The following MECOM variants were observed in gnomAD, a reference collection of about 807,000 sequenced individuals.
The protein encoded by MECOM is MDS1 and EVI1 complex locus.
Under a neutral mutation model 116.3 loss-of-function variants are expected in MECOM, and 13 were observed. The ratio of observed to expected loss-of-function variants is 0.11; its 90% CI spans 0.07 to 0.18. The LOEUF is 0.18. MECOM is among the 10% of genes least tolerant of loss of function. The pLI is 1.00. For missense variants in MECOM, 1,299 were observed against 1,509.0 expected (o/e 0.86, Z 2.31); for synonymous variants, 528 against 535.2 (o/e 0.99, Z 0.19).
chr3:169,435,885 TA>T (rs1742547752), intron 1 of MECOM, among the ~76,000 whole-genome samples: 1 of 152,160 alleles, frequency 6.6e-6, no homozygotes, highest in South Asian at 2.1e-4. Context: ...GCAGATACAA[TA>T]TTCCAATAAT....
At chr3:169,566,011 G>T in intron 1 of MECOM, 2 of 431,480 alleles carry the variant, frequency 4.6e-6, no homozygotes, top group Non-Finnish European at 9.2e-6. Flanking sequence ...TTACAATTGT[G>T]GTGGAAGGCG....
chr3:169,596,439 T>C (rs55726402), intron 1 of MECOM, among the ~76,000 whole-genome samples: 9,416 of 152,260 alleles, frequency 0.062, 369 homozygotes, highest in Non-Finnish European at 0.071. Flanking sequence ...TTCCTCCTTG[T>C]AGACCACCAT....
In MECOM at chr3:169,084,733, T is replaced by C; in HGVS notation, c.*176A>G. ...TGCAAAACAAAATATCGAGAATAAA[T>C]AGTTTCTTTTTTCTTTCTTTTCTTT... is the stretch of plus-strand genomic sequence containing the variant. On this transcript the variant is annotated 3_prime_UTR_variant, in exon 17 of 17. Transcript: ENST00000651503. 1 of 644,668 alleles carries C rather than the reference T, an allele frequency of 1.6e-6. No individual in the cohort carries two copies. The highest frequency in any genetic ancestry group is 2.5e-6 in the Non-Finnish European group (1 of 407,952). The allele number at this position is 644,668 out of a possible 1,614,324, so 39.9% of individuals were successfully genotyped here.
chr3:169,342,619 TTGA>T (rs1445664467), intron 2 of MECOM, among the ~76,000 whole-genome samples: 2 of 152,188 alleles, frequency 1.3e-5, no homozygotes, highest in African/African-American at 4.8e-5. Flanking sequence ...AAGCAACTGC[TTGA>T]TGATATGTAA....
At chr3:169,586,562 G>A (rs547208617) in intron 1 of MECOM, among the ~76,000 whole-genome samples, 14 of 152,152 alleles carry the variant, frequency 9.2e-5, no homozygotes, top group African/African-American at 2.4e-4. Context: ...TAATATATTC[G>A]CAAAAAAGTT....
chr3:169,581,610 T>C (rs955260753), intron 1 of MECOM, among the ~76,000 whole-genome samples: 1 of 152,150 alleles, frequency 6.6e-6, no homozygotes, highest in Admixed American at 6.5e-5. Flanking sequence ...TCCAGCCGGG[T>C]AAGAACTCTA....
rs186779678 is a variant in MECOM at position 169,123,489 on chromosome 3, T to C, written c.831-762A>G. 7.0e-3 allele frequency among the ~76,000 whole-genome samples: 1,062 copies of C among 152,194 alleles called. 10 individuals carry two copies. The highest frequency in any genetic ancestry group is 0.012 in the Admixed American group (177 of 15,268). ...CTGTTTTAAAGTTTAAATTGTTTTA[T>C]CTTCTCAAATGTTTGCCCCCATTTT... On this transcript the variant is annotated intron_variant, in intron 5 of 16. Coordinates refer to ENST00000651503, the MANE Select transcript of MECOM (RefSeq NM_004991.4).
At chr3:169,509,786 C>A (rs1432168268) in intron 1 of MECOM, among the ~76,000 whole-genome samples, 1 of 152,230 alleles carries the variant, frequency 6.6e-6, no homozygotes, top group African/African-American at 2.4e-5. Context: ...TTGTTTGCAC[C>A]TTTCGACCAT....
intron 2 of MECOM, among the ~76,000 whole-genome samples, chr3:169,168,608 A>G (rs1444187995): frequency 6.6e-6 from 1 of 152,068 alleles, no homozygotes; most frequent in African/African-American, 2.4e-5. Flanking sequence ...CTCTACATGT[A>G]ATCTTTTTTT....
intron 10 of MECOM, among the ~76,000 whole-genome samples, chr3:169,103,824 G>A (rs1053699564): frequency 2.0e-4 from 30 of 152,136 alleles, no homozygotes; most frequent in African/African-American, 7.0e-4. Context: ...CTCACAAAAG[G>A]AATATTGTGT....
intron 1 of MECOM, among the ~76,000 whole-genome samples, chr3:169,589,575 T>G (rs1399507741): frequency 6.6e-6 from 1 of 151,998 alleles, no homozygotes; most frequent in Non-Finnish European, 1.5e-5. Flanking sequence ...ACCCCTCAGC[T>G]CTGGCATTTT....
intron 2 of MECOM, among the ~76,000 whole-genome samples, chr3:169,280,932 G>A (rs1182588129): frequency 2.6e-5 from 4 of 152,180 alleles, no homozygotes; most frequent in Admixed American, 2.6e-4. Context: ...GTTTAGAAAG[G>A]AGAATGACTG....
chr3:169,367,079 G>A (rs1254310420), intron 2 of MECOM, among the ~76,000 whole-genome samples: 5 of 152,006 alleles, frequency 3.3e-5, no homozygotes, highest in Non-Finnish European at 7.4e-5. Context: ...AAATCCAGTC[G>A]CTGGGTAACC....
intron 2 of MECOM, among the ~76,000 whole-genome samples, chr3:169,192,722 C>T (rs1226204896): frequency 6.6e-6 from 1 of 151,988 alleles, no homozygotes; most frequent in Non-Finnish European, 1.5e-5. Flanking sequence ...TACTTTCATA[C>T]TTTTACAGAC....
rs147547411 is a variant in MECOM at position 169,355,480 on chromosome 3, A to C, written c.375+25707T>G. Among the ~76,000 whole-genome samples the C allele has an allele frequency of 2.3e-3, 346 of 152,082 alleles. 1 individual carries two copies. The highest frequency in any genetic ancestry group is 8.1e-3 in the African/African-American group (335 of 41,536). On this transcript the variant is annotated intron_variant, in intron 2 of 16. Transcript: ENST00000651503. ...CCAAACAACTTGTAATTCAAAATTA[A>C]ATAGATTATAGACAACAGAAGCACT... is the stretch of plus-strand genomic sequence containing the variant.
chr3:169,198,950 G>A (rs141308058), intron 2 of MECOM, among the ~76,000 whole-genome samples: 106 of 152,060 alleles, frequency 7.0e-4, no homozygotes, highest in African/African-American at 2.4e-3. Flanking sequence ...CAGAATAAGA[G>A]TTTTTTAGAT....
intron 1 of MECOM, chr3:169,484,064 C>A: frequency 9.6e-7 from 1 of 1,042,364 alleles, no homozygotes. Flanking sequence ...CAACCTATAG[C>A]TACCAGGCAT....
intron 5 of MECOM, among the ~76,000 whole-genome samples, chr3:169,126,487 G>A (rs969785572): frequency 1.5e-4 from 23 of 151,938 alleles, no homozygotes; most frequent in Admixed American, 2.6e-4. Flanking sequence ...GGGACATGCT[G>A]TGGCTTTTTT....
At chr3:169,255,224 C>A (rs760679019) in intron 2 of MECOM, among the ~76,000 whole-genome samples, 1 of 152,086 alleles carries the variant, frequency 6.6e-6, no homozygotes, top group Non-Finnish European at 1.5e-5. Flanking sequence ...GACACCGAGC[C>A]GGTACAGTAC....
Sources: gnomAD v4.1 joint callset for allele counts (sites outside exome capture counted in the v4.1 genomes callset) on GRCh38, gnomAD v4.1.1 for gene constraint, MANE v1.5 for transcripts, NCBI Gene and HGNC (gene_info 2026-07-23, HGNC 2026-07-21) for gene names.